Variants in SCARA3 observed in about 807,000 individuals in gnomAD.
SCARA3 encodes the protein scavenger receptor class A member 3, also known as cellular stress response gene protein.
Under a neutral mutation model 47.0 loss-of-function variants are expected in SCARA3, and 39 were observed. The ratio of observed to expected loss-of-function variants is 0.83; its 90% confidence interval spans 0.64 to 1.08. The LOEUF (loss-of-function observed/expected upper bound fraction) is 1.08. SCARA3 is among the 50% of genes least tolerant of loss of function. The pLI, the probability that SCARA3 is intolerant of heterozygous loss-of-function variation, is 0.00. For missense variants in SCARA3, 724 were observed against 792.3 expected, an observed-to-expected ratio of 0.91 and a Z score of 1.04; for synonymous variants, 356 against 334.1, an observed-to-expected ratio of 1.07 and a Z score of -0.71.
chr8:27,696,314 G>T, the SCARA3 span, among the ~76,000 whole-genome samples: 3 of 152,094 alleles, frequency 2.0e-5, no homozygotes, highest in Non-Finnish European at 4.4e-5. Context: ...CTGGCCAAGA[G>T]AAAATATTTA....
At chr8:27,690,755 G>A in the SCARA3 span, among the ~76,000 whole-genome samples, 3 of 152,052 alleles carry the variant, frequency 2.0e-5, no homozygotes, top group Non-Finnish European at 4.4e-5. Flanking sequence ...TAGTGCAGTG[G>A]CAAGATCATA....
At chr8:27,686,852 A>G in the SCARA3 span, among the ~76,000 whole-genome samples, 1 of 152,150 alleles carries the variant, frequency 6.6e-6, no homozygotes, top group Non-Finnish European at 1.5e-5. Context: ...TACGTAGGTA[A>G]ACGTGTGCCA....
At chr8:27,707,722 C>G in the SCARA3 span, among the ~76,000 whole-genome samples, 1 of 149,776 alleles carries the variant, frequency 6.7e-6, no homozygotes, top group East Asian at 2.0e-4. Flanking sequence ...AAGAACCTGC[C>G]AAGAGCCTGC....
chr8:27,653,660 C>T (rs1349761323), intron 3 of SCARA3, among the ~76,000 whole-genome samples: 2 of 151,108 alleles, frequency 1.3e-5, no homozygotes, highest in Non-Finnish European at 2.9e-5. Context: ...GAACTGTGAC[C>T]AAAGTCCAGA....
rs897031022 is a variant in SCARA3, at chr8:27,651,724, G to C, written c.226+97G>C. On this transcript the variant is annotated intron_variant, in intron 3 of 5. Transcript: ENST00000301904. The stretch of plus-strand genomic sequence containing the variant: ...CTGCAAAGACAAACACTTGACATCT[G>C]TATCCCAGGGCCCAGAGCCAGCATC... 7.4e-6 allele frequency: 11 copies of C among 1,490,014 alleles called. No individual in the cohort carries two copies. The African/African-American group carries it at 1.2e-4, about 17-fold the overall frequency. The allele number at this position is 1,490,014 out of a possible 1,614,324, so 92.3% of individuals were successfully genotyped here.
chr8:27,655,352 C>T (rs913378828), intron 3 of SCARA3, among the ~76,000 whole-genome samples: 1 of 152,116 alleles, frequency 6.6e-6, no homozygotes, highest in Admixed American at 6.6e-5. Flanking sequence ...TTAAGAGGAT[C>T]TGTGGGAAGC....
Position 27,658,604 on chromosome 8 carries a change from C to A in SCARA3, c.434C>A (p.Ala145Asp), listed in dbSNP as rs774264468. 6.2e-7 allele frequency: 1 copy of A among 1,614,110 alleles called. No individual in the cohort carries two copies. The highest frequency in any genetic ancestry group is 1.1e-5 in the South Asian group (1 of 91,066). The stretch of plus-strand genomic sequence containing the variant: ...GAGGGAATTCAGAAGCTGCTTCTGG[C>A]CCAGGAGGTGCAGCTGGACCAGACC... ...ELEGIQKLLL[A>D]QEVQLDQTLQ... Residue 145 changes from alanine (A) to aspartate (D), a missense_variant, in exon 5 of 6, where the codon GCC (alanine) becomes GAC (aspartate). Transcript: ENST00000301904.
At chr8:27,651,918 C>T (rs1283826831) in intron 3 of SCARA3, among the ~76,000 whole-genome samples, 2 of 152,190 alleles carry the variant, frequency 1.3e-5, no homozygotes, top group East Asian at 3.8e-4. Context: ...CATGTTACAG[C>T]CATCTTGGAG....
At chr8:27,653,853 T>C (rs1801687267) in intron 3 of SCARA3, among the ~76,000 whole-genome samples, 1 of 152,144 alleles carries the variant, frequency 6.6e-6, no homozygotes, top group Middle Eastern at 3.2e-3. Flanking sequence ...ATTATGGCCA[T>C]TTTTTTCTGT....
At chr8:27,635,420 T>TATAG (rs1801229676) in intron 1 of SCARA3, among the ~76,000 whole-genome samples, 1 of 152,200 alleles carries the variant, frequency 6.6e-6, no homozygotes, top group Non-Finnish European at 1.5e-5. Flanking sequence ...GCTCTGCAGG[T>TATAG]GCTATCTTGA....
intron 1 of SCARA3, among the ~76,000 whole-genome samples, chr8:27,648,001 C>T (rs1402081410): frequency 1.3e-5 from 2 of 152,290 alleles, no homozygotes; most frequent in Middle Eastern, 3.4e-3. Flanking sequence ...CAGGAGCCCC[C>T]GAGGCTCCGC....
At chr8:27,665,134 G>A (rs1801989981) in intron 5 of SCARA3, among the ~76,000 whole-genome samples, 1 of 152,214 alleles carries the variant, frequency 6.6e-6, no homozygotes, top group Non-Finnish European at 1.5e-5. Context: ...CCATGTGGAA[G>A]GTGCCAAGTC....
chr8:27,650,950 C>T (rs1403191016), intron 2 of SCARA3, among the ~76,000 whole-genome samples: 2 of 152,148 alleles, frequency 1.3e-5, no homozygotes, highest in Admixed American at 6.5e-5. Context: ...GCCTCAAACT[C>T]CTGGGCTCAA....
At chr8:27,708,615 A>G in the SCARA3 span, among the ~76,000 whole-genome samples, 27 of 152,306 alleles carry the variant, frequency 1.8e-4, no homozygotes, top group Non-Finnish European at 2.6e-4. Flanking sequence ...GGTGAAAAAA[A>G]TCGTCTTGGT....
At chr8:27,695,414 C>T in the SCARA3 span, among the ~76,000 whole-genome samples, 70 of 152,252 alleles carry the variant, frequency 4.6e-4, no homozygotes, top group African/African-American at 1.3e-3. Context: ...ATGTTCTTCA[C>T]GGGTAAATAA....
chr8:27,646,763 C>T (rs1801501605), intron 1 of SCARA3, among the ~76,000 whole-genome samples: 1 of 152,188 alleles, frequency 6.6e-6, no homozygotes, highest in African/African-American at 2.4e-5. Flanking sequence ...TGCCTTGCCC[C>T]AGCCATTCAT....
chr8:27,660,830 ATAGCTAGCTAGC>A (rs141475748), intron 5 of SCARA3, among the ~76,000 whole-genome samples: 48,831 of 131,100 alleles, frequency 0.37, 8,978 homozygotes, highest in South Asian at 0.55. Context: ...TAGATAGAAG[ATAGCTAGCTAGC>A]TAGATAGATA....
At chr8:27,707,484 A>AT in the SCARA3 span, among the ~76,000 whole-genome samples, 3 of 151,758 alleles carry the variant, frequency 2.0e-5, no homozygotes, top group Non-Finnish European at 4.4e-5. Flanking sequence ...ATAAGTCAAA[A>AT]AAAAACATTC....
At chr8:27,695,355 G>T in the SCARA3 span, among the ~76,000 whole-genome samples, 2 of 152,332 alleles carry the variant, frequency 1.3e-5, no homozygotes, top group South Asian at 2.1e-4. Flanking sequence ...GTCAAGACAA[G>T]TTCAAGGGGA....
Sources: allele counts gnomAD v4.1 joint callset (sites outside exome capture counted in the v4.1 genomes callset), GRCh38; gene constraint gnomAD v4.1.1; transcripts MANE v1.5; gene names NCBI Gene and HGNC (gene_info 2026-07-23, HGNC 2026-07-21).